Variants in KDM2A observed in about 807,000 individuals in gnomAD.
KDM2A encodes the protein lysine-specific demethylase 2A.
In KDM2A, 3 loss-of-function variants were observed where a neutral mutation model predicts 137.3. The ratio of observed to expected loss-of-function variants is 0.02; its 90% CI spans 0.01 to 0.06. The LOEUF is 0.06. KDM2A is among the 10% of genes least tolerant of loss of function. KDM2A has a pLI of 1.00. For missense variants in KDM2A, 738 were observed against 1,510.6 expected (o/e 0.49, Z 8.48); for synonymous variants, 512 against 541.5 (o/e 0.95, Z 0.76).
At chr11:67,225,850 A>G (rs1858525974) in intron 10 of KDM2A, among the ~76,000 whole-genome samples, 1 of 152,034 alleles carries the variant, frequency 6.6e-6, no homozygotes, top group African/African-American at 2.4e-5. Flanking sequence ...GGATCACCTG[A>G]GGTCAGGAGT....
chr11:67,124,150 C>T (rs1279856874), intron 2 of KDM2A, among the ~76,000 whole-genome samples: 2 of 150,908 alleles, frequency 1.3e-5, no homozygotes, highest in Non-Finnish European at 2.9e-5. Flanking sequence ...ACTACAGGTG[C>T]CCACCACCAC....
intron 2 of KDM2A, among the ~76,000 whole-genome samples, chr11:67,132,858 A>C (rs1855884151): frequency 6.6e-6 from 1 of 152,186 alleles, no homozygotes; most frequent in African/African-American, 2.4e-5. Context: ...GGGGCCTAGC[A>C]ATCTGTGTTT....
chr11:67,136,567 TGAG>T (rs1855973866), intron 2 of KDM2A, among the ~76,000 whole-genome samples: 1 of 152,140 alleles, frequency 6.6e-6, no homozygotes, highest in Non-Finnish European at 1.5e-5. Context: ...ACAAGGATGA[TGAG>T]ATACTTGTAG....
chr11:67,250,323 C>A lies in KDM2A; in HGVS notation c.2293C>A (p.Leu765Met). The part of the protein sequence containing the change: ...ERFKRRQLLR[L>M]QATERTMVRE... ...CTTCAAACGGCGGCAGTTGCTGCGG[C>A]TGCAGGCCACAGAGCGCACCATGGT... The change falls in exon 17 of 21, where the codon CTG (leucine) becomes ATG (methionine). Residue 765 changes from leucine to methionine, a missense_variant. Physicochemically the swap from Leu to Met is conservative, Grantham distance 15 (BLOSUM62 2). This residue lies in a region of KDM2A where 244 missense variants were observed against 324.6 expected (regional missense o/e 0.75). Transcript: ENST00000529006. This position sits in a 1 kb window ranked among gnomAD's most constrained non-coding sequence, Gnocchi z 7.1. 1 of 1,613,976 alleles carries A rather than the reference C, an allele frequency of 6.2e-7. No homozygotes were observed. The highest frequency in any genetic ancestry group is 8.5e-7 in the Non-Finnish European group (1 of 1,179,898).
chr11:67,173,281 C>G (rs1295107796), intron 2 of KDM2A, among the ~76,000 whole-genome samples: 1 of 152,202 alleles, frequency 6.6e-6, no homozygotes, highest in Admixed American at 6.5e-5. Flanking sequence ...CGCCACCATG[C>G]GTGGCTAATT....
intron 12 of KDM2A, 112 bp from the exon 13 acceptor site, chr11:67,242,897 C>T: frequency 1.4e-6 from 1 of 729,692 alleles, no homozygotes; most frequent in Non-Finnish European, 2.4e-6. Flanking sequence ...AGTTGCCACC[C>T]TGCCTCCCTT....
At chr11:67,173,280 G>A (rs1481758511) in intron 2 of KDM2A, among the ~76,000 whole-genome samples, 2 of 152,204 alleles carry the variant, frequency 1.3e-5, no homozygotes, top group African/African-American at 2.4e-5. Flanking sequence ...GCGCCACCAT[G>A]CGTGGCTAAT....
intron 2 of KDM2A, among the ~76,000 whole-genome samples, chr11:67,141,183 TG>T (rs1399686608): frequency 6.6e-6 from 1 of 152,142 alleles, no homozygotes; most frequent in African/African-American, 2.4e-5. Flanking sequence ...CATTTACTTC[TG>T]TCCCTTATTA....
chr11:67,225,886 G>A (rs1385638723), intron 10 of KDM2A, among the ~76,000 whole-genome samples: 2 of 151,968 alleles, frequency 1.3e-5, no homozygotes, highest in East Asian at 3.9e-4. Flanking sequence ...CCAAGATGGT[G>A]AAACCCCGTC....
At chr11:67,168,951 GTTTT>G (rs11335055) in intron 2 of KDM2A, among the ~76,000 whole-genome samples, 2 of 62,230 alleles carry the variant, frequency 3.2e-5, no homozygotes, top group Non-Finnish European at 3.2e-5. Context: ...AATCCATGTA[GTTTT>G]TTTTTTTTTT....
At chr11:67,138,231 T>C (rs976062445) in intron 2 of KDM2A, among the ~76,000 whole-genome samples, 1 of 152,178 alleles carries the variant, frequency 6.6e-6, no homozygotes, top group Non-Finnish European at 1.5e-5. Flanking sequence ...TCAAGGAATA[T>C]GCTTTATTCA....
chr11:67,180,020 A>G, intron 2 of KDM2A, 59 bp from the exon 3 acceptor site: 2 of 1,538,324 alleles, frequency 1.3e-6, no homozygotes, highest in South Asian at 2.5e-5. Context: ...ATCTATGACC[A>G]CTTGTAGGTA....
At chr11:67,249,804 C>G (rs1443547932) in intron 16 of KDM2A, among the ~76,000 whole-genome samples, 1 of 152,170 alleles carries the variant, frequency 6.6e-6, no homozygotes, top group Non-Finnish European at 1.5e-5. Context: ...AGAAATACGT[C>G]TCTTGGGTGA....
chr11:67,131,014 G>A (rs1009787058), intron 2 of KDM2A, among the ~76,000 whole-genome samples: 3 of 152,018 alleles, frequency 2.0e-5, no homozygotes, highest in Admixed American at 1.3e-4. Flanking sequence ...ACCATCCAAC[G>A]TCTCTTGTGT....
chr11:67,183,113 T>A (rs1260700159), intron 5 of KDM2A, among the ~76,000 whole-genome samples: 2 of 152,192 alleles, frequency 1.3e-5, no homozygotes, highest in Admixed American at 1.3e-4. Flanking sequence ...CCCTTACTGT[T>A]TCTGTTTTAA....
intron 10 of KDM2A, among the ~76,000 whole-genome samples, chr11:67,222,303 T>C (rs1347013860): frequency 1.5e-5 from 1 of 67,360 alleles, no homozygotes; most frequent in Non-Finnish European, 3.0e-5. Context: ...TTCAAGCATC[T>C]GTTTAACAAA....
chr11:67,217,717 T>A lies in KDM2A; in HGVS notation c.688-14T>A, dbSNP rs1288341753. On this transcript the variant is annotated splice_polypyrimidine_tract_variant and intron_variant, in intron 8 of 20. Transcript: ENST00000529006. The stretch of plus-strand genomic sequence containing the variant: ...TCAATGGCTGTTAACAGACTAAAGT[T>A]TTTTAACTCACAGGTCTTCTGGCTC... The A allele has an allele frequency of 9.3e-6, 15 of 1,612,888 alleles. No individual in the cohort carries two copies. The highest frequency in any genetic ancestry group is 1.0e-5 in the Non-Finnish European group (12 of 1,179,500).
intron 2 of KDM2A, among the ~76,000 whole-genome samples, chr11:67,140,786 A>AT (rs1251282505): frequency 6.6e-6 from 1 of 152,006 alleles, no homozygotes; most frequent in African/African-American, 2.4e-5. Context: ...CTTTTGATTT[A>AT]TTTATATTAA....
At chr11:67,172,027 G>A (rs1233134659) in intron 2 of KDM2A, among the ~76,000 whole-genome samples, 4 of 152,144 alleles carry the variant, frequency 2.6e-5, no homozygotes, top group Admixed American at 2.6e-4. Context: ...ATCTCACTCT[G>A]TTATTCAGGC....
Sources: gnomAD v4.1 joint callset for allele counts (sites outside exome capture counted in the v4.1 genomes callset) on GRCh38, gnomAD v4.1.1 for gene constraint, gnomAD v4.1.1 regional missense constraint, Gnocchi (gnomAD v3.1) non-coding constraint, MANE v1.5 for transcripts, NCBI Gene and HGNC (gene_info 2026-07-23, HGNC 2026-07-21) for gene names.